Variants in MAP4K5 observed in about 807,000 individuals in gnomAD.
MAP4K5 encodes the protein MAPK/ERK kinase kinase kinase 5.
A neutral mutation model predicts 135.6 loss-of-function variants in MAP4K5; 82 were observed. The ratio of observed to expected loss-of-function variants is 0.60; its 90% CI spans 0.51 to 0.73. The LOEUF (loss-of-function observed/expected upper bound fraction) is 0.73. MAP4K5 is among the 30% of genes least tolerant of loss of function. The pLI, the probability that MAP4K5 is intolerant of heterozygous loss-of-function variation, is 0.00. For missense variants in MAP4K5, 907 were observed against 1,010.9 expected (o/e 0.90, Z 1.39); for synonymous variants, 347 against 335.0 (o/e 1.04, Z -0.39).
chr14:50,538,740 G>T (rs2038524521), intron 2 of MAP4K5, among the ~76,000 whole-genome samples: 2 of 152,142 alleles, frequency 1.3e-5, no homozygotes, highest in Non-Finnish European at 1.5e-5. Context: ...GATAATAATG[G>T]CTTTCCACTG....
chr14:50,434,637 AT>A, intron 27 of MAP4K5, 66 bp from the exon 28 acceptor site: 1 of 1,404,236 alleles, frequency 7.1e-7, no homozygotes, highest in African/African-American at 1.4e-5. Flanking sequence ...CCACTGTTGA[AT>A]AAAGTCAACA....
At chr14:50,508,070 C>G (rs1039447176) in intron 2 of MAP4K5, among the ~76,000 whole-genome samples, 3 of 152,110 alleles carry the variant, frequency 2.0e-5, no homozygotes, top group Admixed American at 1.3e-4. Context: ...GTTAGCTCTT[C>G]TTGTTGAATT....
At chr14:50,489,791 G>C (rs1181505980) in intron 3 of MAP4K5, among the ~76,000 whole-genome samples, 1 of 152,022 alleles carries the variant, frequency 6.6e-6, no homozygotes, top group Non-Finnish European at 1.5e-5. Context: ...ATGGAGACTC[G>C]GTCAGTTGTC....
chr14:50,482,167 T>G (rs2037257696), intron 6 of MAP4K5, among the ~76,000 whole-genome samples, 194 bp downstream of exon 6: 1 of 152,216 alleles, frequency 6.6e-6, no homozygotes, highest in Admixed American at 6.5e-5. Context: ...TTCATGTGAT[T>G]CATTCATGAA....
At chr14:50,452,245 C>T (rs2036506650) in intron 14 of MAP4K5, among the ~76,000 whole-genome samples, 1 of 152,150 alleles carries the variant, frequency 6.6e-6, no homozygotes, top group Non-Finnish European at 1.5e-5. Context: ...CTGTACCTCT[C>T]ACTCAAAATC....
At chr14:50,485,485 T>C (rs2037344074) in intron 5 of MAP4K5, 93 bp downstream of exon 5, 1 of 771,500 alleles carries the variant, frequency 1.3e-6, no homozygotes. Context: ...AAATAGTAAG[T>C]CTACCTGTTA....
At chr14:50,433,362 T>C (rs1209120414) in intron 28 of MAP4K5, among the ~76,000 whole-genome samples, 3 of 152,174 alleles carry the variant, frequency 2.0e-5, no homozygotes, top group Non-Finnish European at 4.4e-5. Context: ...TGGCTTGTAC[T>C]GAGTTAAACT....
Position 50,443,946 on chromosome 14 carries a change from T to C in MAP4K5, c.1430A>G (p.Asp477Gly). 6.2e-7 allele frequency: 1 copy of C among 1,605,196 alleles called. No individual in the cohort carries two copies. Residue 477 changes from aspartate to glycine, a missense_variant, in exon 19 of 33, where the codon GAC becomes GGC. Physicochemically the swap from Asp to Gly is moderately conservative, Grantham distance 94. This residue lies in a region of MAP4K5 where 690 missense variants were observed against 777.4 expected (regional missense o/e 0.89). Transcript: ENST00000682126. ...PQLPRKKDKR[D>G]FPKPAINGLP... ...AATGCCTGTTATACCTACAGGGAAG[T>C]CTCGTTTGTCCTTTTTTCGTGGTAA... is the stretch of plus-strand genomic sequence containing the variant.
At chr14:50,484,603 C>G (rs908459486) in intron 5 of MAP4K5, among the ~76,000 whole-genome samples, 8 of 152,064 alleles carry the variant, frequency 5.3e-5, no homozygotes, top group African/African-American at 1.9e-4. Context: ...TAAAAACAAG[C>G]CTTAGGGATA....
chr14:50,427,917 A>G lies in MAP4K5; in HGVS notation c.2326+745T>C, dbSNP rs529466485. Among the ~76,000 whole-genome samples the G allele has an allele frequency of 3.9e-5, 6 of 152,356 alleles. No homozygotes were observed. In the East Asian group the frequency reaches 1.2e-3, roughly 29 times the overall value. On this transcript the variant is annotated intron_variant, in intron 30 of 32. Coordinates refer to ENST00000682126, the MANE Select transcript of MAP4K5 (RefSeq NM_006575.6). The stretch of plus-strand genomic sequence containing the variant: ...CAACACACACCACCCAGAATCTTAC[A>G]TGGCAAAGAATTATGGCATATCTAA...
intron 1 of MAP4K5, chr14:50,560,397 G>T: frequency 6.7e-7 from 1 of 1,481,766 alleles, no homozygotes; most frequent in South Asian, 1.2e-5. Flanking sequence ...GCTGCTAGGT[G>T]CCTGCGTCCA....
chr14:50,465,975 G>A (rs767009916), intron 11 of MAP4K5, among the ~76,000 whole-genome samples: 2 of 152,144 alleles, frequency 1.3e-5, no homozygotes, highest in East Asian at 1.9e-4. Flanking sequence ...TCGGGAGGCC[G>A]AGACAGGAGA....
chr14:50,446,045 A>C (rs1458230070), intron 17 of MAP4K5, 34 bp downstream of exon 17: 3 of 1,395,174 alleles, frequency 2.2e-6, no homozygotes, highest in Non-Finnish European at 2.9e-6. Flanking sequence ...TATTTAAATA[A>C]GGATTTAGTG....
At chr14:50,544,714 G>T (rs890396231) in intron 1 of MAP4K5, among the ~76,000 whole-genome samples, 16 of 152,000 alleles carry the variant, frequency 1.1e-4, no homozygotes, top group African/African-American at 3.9e-4. Flanking sequence ...TGGGAGGATT[G>T]CTTGAGCTCG....
intron 14 of MAP4K5, among the ~76,000 whole-genome samples, chr14:50,452,793 A>T (rs146532442): frequency 1.1e-4 from 17 of 152,328 alleles, no homozygotes; most frequent in Admixed American, 3.9e-4. Context: ...AAAAGAGGTG[A>T]CAAGGAATCC....
chr14:50,428,589 A>T, intron 30 of MAP4K5, 73 bp downstream of exon 30: 1 of 834,664 alleles, frequency 1.2e-6, no homozygotes, highest in Admixed American at 3.3e-5. Flanking sequence ...TGGTCTAGAC[A>T]ACCCTAAGTA....
chr14:50,480,364 C>T (rs1352432942), intron 6 of MAP4K5, among the ~76,000 whole-genome samples: 2 of 151,382 alleles, frequency 1.3e-5, no homozygotes, highest in African/African-American at 4.9e-5. Context: ...CTATAGTCAC[C>T]CTGTTGTGTT....
At chr14:50,435,940 T>C (rs1047968729) in intron 26 of MAP4K5, among the ~76,000 whole-genome samples, 1 of 152,196 alleles carries the variant, frequency 6.6e-6, no homozygotes, top group Non-Finnish European at 1.5e-5. Context: ...TTTCTAGGCC[T>C]TTTGTGCATC....
chr14:50,553,027 G>T (rs924019013), intron 1 of MAP4K5, among the ~76,000 whole-genome samples: 6 of 152,144 alleles, frequency 3.9e-5, no homozygotes, highest in African/African-American at 1.2e-4. Context: ...AGGCATGGTG[G>T]CTCACGCCTG....
Sources: gnomAD v4.1 joint callset for allele counts (sites outside exome capture counted in the v4.1 genomes callset) on GRCh38, gnomAD v4.1.1 for gene constraint, gnomAD v4.1.1 regional missense constraint, MANE v1.5 for transcripts, NCBI Gene and HGNC (gene_info 2026-07-23, HGNC 2026-07-21) for gene names.